OXR1: variants seen among roughly 807,000 people sequenced by gnomAD.
The protein encoded by OXR1 is oxidation resistance 1.
In OXR1, 41 loss-of-function variants were observed where a neutral mutation model predicts 104.6. The observed-to-expected ratio is 0.39, with a 90% CI of 0.31 to 0.51. OXR1 has a LOEUF of 0.51. OXR1 is among the 20% of genes least tolerant of loss of function. The probability of loss-of-function intolerance (pLI) is 0.77; values close to 1 mark genes in which losing one functional copy is unlikely to be tolerated. For synonymous variants in OXR1, 348 were observed against 348.4 expected (o/e 1.00, Z 0.01); for missense variants, 955 against 1,031.9 (o/e 0.93, Z 1.02).
chr8:106,656,525 C>G (rs536989241), intron 3 of OXR1, among the ~76,000 whole-genome samples: 62 of 152,324 alleles, frequency 4.1e-4, no homozygotes, highest in African/African-American at 1.4e-3. Flanking sequence ...TAAGGGAAAG[C>G]ACAAACATTC....
intron 2 of OXR1, among the ~76,000 whole-genome samples, chr8:106,436,268 A>C (rs1819562483): frequency 6.6e-6 from 1 of 152,112 alleles, no homozygotes; most frequent in Admixed American, 6.6e-5. Flanking sequence ...ATTTATTATT[A>C]TTCTCAGTCT....
chr8:106,624,785 G>A (rs1822009869), intron 3 of OXR1, among the ~76,000 whole-genome samples: 1 of 152,064 alleles, frequency 6.6e-6, no homozygotes, highest in Admixed American at 6.6e-5. Context: ...TTGCAGACCT[G>A]ATGTTTGTTT....
At chr8:106,543,312 T>C (rs544200913) in intron 3 of OXR1, among the ~76,000 whole-genome samples, 1 of 152,332 alleles carries the variant, frequency 6.6e-6, no homozygotes, top group Non-Finnish European at 1.5e-5. Flanking sequence ...TCATCTTTGT[T>C]TTTCTTCCAT....
intron 3 of OXR1, among the ~76,000 whole-genome samples, chr8:106,579,997 A>G (rs1202374322): frequency 6.6e-6 from 1 of 152,206 alleles, no homozygotes; most frequent in African/African-American, 2.4e-5. Flanking sequence ...ATTGGAAAGC[A>G]TACTGATGGC....
At chr8:106,281,751 G>C (rs1812292616) in intron 1 of OXR1, among the ~76,000 whole-genome samples, 1 of 134,412 alleles carries the variant, frequency 7.4e-6, no homozygotes, top group Admixed American at 8.6e-5. Context: ...AGTAAGCAGA[G>C]ATCGTGCCAC....
At chr8:106,517,745 C>A (rs537778253) in intron 2 of OXR1, among the ~76,000 whole-genome samples, 1 of 152,110 alleles carries the variant, frequency 6.6e-6, no homozygotes, top group African/African-American at 2.4e-5. Flanking sequence ...ATCTGAGTTA[C>A]GTGAATCTAT....
intron 2 of OXR1, among the ~76,000 whole-genome samples, chr8:106,494,844 C>A (rs1372314087): frequency 6.6e-6 from 1 of 152,102 alleles, no homozygotes; most frequent in Non-Finnish European, 1.5e-5. Flanking sequence ...TCCCATTCTG[C>A]CTTTTAAATC....
intron 2 of OXR1, among the ~76,000 whole-genome samples, chr8:106,451,095 A>T (rs964932247): frequency 6.6e-6 from 1 of 152,168 alleles, no homozygotes; most frequent in African/African-American, 2.4e-5. Flanking sequence ...TGAAATAAAT[A>T]TTCTAATGTC....
intron 11 of OXR1, among the ~76,000 whole-genome samples, chr8:106,719,866 C>T (rs1249683682): frequency 6.6e-6 from 1 of 152,010 alleles, no homozygotes; most frequent in Non-Finnish European, 1.5e-5. Context: ...AGTGCAGTGG[C>T]GTCATCTTGG....
intron 2 of OXR1, among the ~76,000 whole-genome samples, chr8:106,418,795 G>A (rs1271467847): frequency 6.6e-6 from 1 of 152,034 alleles, no homozygotes; most frequent in Non-Finnish European, 1.5e-5. Context: ...ATGTGTGTAT[G>A]TATTCTGTTC....
chr8:106,527,619 A>G (rs1298356392), intron 3 of OXR1, among the ~76,000 whole-genome samples: 2 of 152,242 alleles, frequency 1.3e-5, no homozygotes, highest in African/African-American at 2.4e-5. Flanking sequence ...GCCAGGATTC[A>G]ATCCAAACGT....
chr8:106,731,948 AT>A (rs1833929618), intron 11 of OXR1, among the ~76,000 whole-genome samples: 1 of 152,144 alleles, frequency 6.6e-6, no homozygotes, highest in African/African-American at 2.4e-5. Flanking sequence ...GCCTGGTAGA[AT>A]TTTGATTGAA....
intron 3 of OXR1, among the ~76,000 whole-genome samples, chr8:106,651,274 TATTAGTAATGAAGC>T (rs1824548097): frequency 6.6e-6 from 1 of 152,206 alleles, no homozygotes; most frequent in Non-Finnish European, 1.5e-5. Flanking sequence ...GCATTCCTCT[TATTAGTAATGAAGC>T]AAATTTGTTG....
chr8:106,572,647 A>AT (rs200357070), intron 3 of OXR1, among the ~76,000 whole-genome samples: 340 of 152,096 alleles, frequency 2.2e-3, no homozygotes, highest in East Asian at 7.4e-3. Context: ...TTCAGCCAAG[A>AT]TTTTTTTTGC....
At chr8:106,523,521 A>G (rs1563579228) in intron 3 of OXR1, among the ~76,000 whole-genome samples, 2 of 152,176 alleles carry the variant, frequency 1.3e-5, no homozygotes, top group African/African-American at 2.4e-5. Flanking sequence ...GGAATATTCT[A>G]TAGAATATGA....
chr8:106,358,442 G>T (rs919467187), intron 1 of OXR1, among the ~76,000 whole-genome samples: 1 of 152,110 alleles, frequency 6.6e-6, no homozygotes, highest in Non-Finnish European at 1.5e-5. Flanking sequence ...GCTCCCACAT[G>T]CCCTGTATGT....
chr8:106,493,685 C>G (rs1166083853), intron 2 of OXR1, among the ~76,000 whole-genome samples: 1 of 152,152 alleles, frequency 6.6e-6, no homozygotes, highest in Non-Finnish European at 1.5e-5. Context: ...CCAAGCCATG[C>G]TTATGTCTTC....
At chr8:106,416,332 T>A (rs1457300547) in intron 2 of OXR1, among the ~76,000 whole-genome samples, 8 of 152,100 alleles carry the variant, frequency 5.3e-5, no homozygotes, top group Admixed American at 5.2e-4. Flanking sequence ...ATTTCTATAT[T>A]GTCATTTTAA....
At chr8:106,573,191 A>G (rs1179248041) in intron 3 of OXR1, among the ~76,000 whole-genome samples, 2 of 152,132 alleles carry the variant, frequency 1.3e-5, no homozygotes, top group Non-Finnish European at 1.5e-5. Flanking sequence ...TAGCAAGGGC[A>G]ATATGGTTTA....
Sources: allele counts gnomAD v4.1 joint callset (sites outside exome capture counted in the v4.1 genomes callset), GRCh38; gene constraint gnomAD v4.1.1; transcripts MANE v1.5; gene names NCBI Gene and HGNC (gene_info 2026-07-23, HGNC 2026-07-21).